SCN11A: variants seen among roughly 807,000 people sequenced by gnomAD.
The protein encoded by SCN11A is sodium channel protein type 11 subunit alpha.
In SCN11A, 122 loss-of-function variants were observed where a neutral mutation model predicts 162.2. The ratio of observed to expected loss-of-function variants is 0.75; its 90% CI spans 0.65 to 0.87. The LOEUF is 0.87. Ranked by LOEUF, SCN11A falls within the 40% of genes least tolerant of loss-of-function variation. The pLI, the probability that SCN11A is intolerant of heterozygous loss-of-function variation, is 0.00. For missense variants in SCN11A, 2,015 were observed against 2,181.6 expected (o/e 0.92, Z 1.52); for synonymous variants, 758 against 751.5 (o/e 1.01, Z -0.14).
At chr3:38,864,869 C>T (rs1432854278) in intron 27 of SCN11A, among the ~76,000 whole-genome samples, 1 of 152,074 alleles carries the variant, frequency 6.6e-6, no homozygotes, top group Non-Finnish European at 1.5e-5. Context: ...AAAGCTTCAA[C>T]AGAAACAAAT....
chr3:38,868,742 G>A (rs1435699809), intron 26 of SCN11A, among the ~76,000 whole-genome samples: 1 of 152,172 alleles, frequency 6.6e-6, no homozygotes, highest in Non-Finnish European at 1.5e-5. Flanking sequence ...AACATGGAAG[G>A]CAAAGAGGGT....
Position 38,899,816 on chromosome 3 carries a change from A to G in SCN11A, c.2022+78T>C. ...AAGATAAATTAAAGTTTAGTACAAG[A>G]TAACCACTGAACTCACTCAAAACGT... On this transcript the variant is annotated intron_variant, in intron 17 of 29. Coordinates refer to ENST00000302328, the MANE Select transcript of SCN11A (RefSeq NM_001349253.2). 5 of 1,152,764 alleles carry G rather than the reference A, an allele frequency of 4.3e-6. No homozygotes were observed. The South Asian group carries it at 5.8e-5, about 13-fold the overall frequency. The allele number at this position is 1,152,764 out of a possible 1,614,324, so 71.4% of individuals were successfully genotyped here.
chr3:39,024,655 T>TA (rs34675151), intron 2 of SCN11A, among the ~76,000 whole-genome samples: 4 of 152,154 alleles, frequency 2.6e-5, no homozygotes, highest in South Asian at 2.1e-4. Context: ...AAACTGGCCA[T>TA]AAAAAAAGTT....
At chr3:38,997,982 G>A (rs1225374224) in intron 2 of SCN11A, among the ~76,000 whole-genome samples, 3 of 152,276 alleles carry the variant, frequency 2.0e-5, no homozygotes, top group African/African-American at 7.2e-5. Flanking sequence ...AAAAATAAAT[G>A]TATTAAATAT....
At chr3:38,875,127 A>G (rs977624439) in intron 23 of SCN11A, among the ~76,000 whole-genome samples, 10 of 152,314 alleles carry the variant, frequency 6.6e-5, no homozygotes, top group Admixed American at 4.6e-4. Context: ...CATACAGCTG[A>G]TAAGTGGTGA....
intron 28 of SCN11A, among the ~76,000 whole-genome samples, chr3:38,860,167 C>T (rs1034640253): frequency 2.6e-5 from 4 of 152,060 alleles, no homozygotes; most frequent in African/African-American, 9.7e-5. Context: ...CTAGCCCCTA[C>T]CCACCAAATT....
At chr3:39,038,935 C>T (rs1465635499) in intron 1 of SCN11A, among the ~76,000 whole-genome samples, 8 of 152,200 alleles carry the variant, frequency 5.3e-5, no homozygotes, top group African/African-American at 1.2e-4. Flanking sequence ...TCTCTACTAG[C>T]GATTCCATGT....
chr3:38,999,949 A>C (rs79288231), intron 2 of SCN11A, among the ~76,000 whole-genome samples: 4,175 of 152,248 alleles, frequency 0.027, 207 homozygotes, highest in African/African-American at 0.095. Flanking sequence ...TGGATATAGC[A>C]CCTGGAAAGG....
At chr3:38,912,656 G>A (rs1478818069) in intron 11 of SCN11A, among the ~76,000 whole-genome samples, 1 of 152,062 alleles carries the variant, frequency 6.6e-6, no homozygotes, top group Non-Finnish European at 1.5e-5. Context: ...GTAGGTCCCA[G>A]TAGCTGTTGT....
chr3:38,870,789 G>A, intron 25 of SCN11A, 45 bp from the exon 26 acceptor site: 1 of 1,543,038 alleles, frequency 6.5e-7, no homozygotes, highest in Non-Finnish European at 9.0e-7. Context: ...ATGTAGACTT[G>A]CCATCAACAG....
intron 2 of SCN11A, among the ~76,000 whole-genome samples, chr3:39,001,726 C>T (rs1270075974): frequency 6.6e-6 from 1 of 152,028 alleles, no homozygotes; most frequent in Non-Finnish European, 1.5e-5. Flanking sequence ...AACAAACAAA[C>T]AAACAAACAA....
rs760264510 is a variant in SCN11A, at chr3:38,903,897, T to C, written c.1810A>G (p.Ser604Gly). 1.2e-6 allele frequency: 2 copies of C among 1,610,774 alleles called. No individual in the cohort carries two copies. Among genetic ancestry groups the C allele is most frequent in the East Asian group, 2.2e-5 (1 of 44,854 alleles). The change falls in exon 16 of 30, where the codon AGT becomes GGT. Residue 604 changes from serine (S) to glycine (G), a missense_variant. By Grantham distance (56) the Ser-to-Gly change is moderately conservative. Coordinates refer to ENST00000302328, the MANE Select transcript of SCN11A (RefSeq NM_001349253.2). ...LAMEHHKMEASFEKMLNIGNL... is the reference protein window; with the variant it reads ...LAMEHHKMEAGFEKMLNIGNL... ...CCTATATTCAACATCTTCTCAAAAC[T>C]GGCCTCCATCTTGTGATGCTCCATG...
In SCN11A at chr3:38,870,660, C is replaced by T. The variant is rs994344740; in HGVS notation, c.3813+31G>A. The T allele has an allele frequency of 2.5e-6, 4 of 1,592,074 alleles. No individual in the cohort carries two copies. In the African/African-American group the frequency reaches 5.4e-5, roughly 21 times the overall value. Reference sequence around the variant, plus strand: ...CATGATATCTCTGACTTGACCATAACACTCCAGAACATGGTAGAACACTGA... The same window carrying T: ...CATGATATCTCTGACTTGACCATAATACTCCAGAACATGGTAGAACACTGA... On this transcript the variant is annotated intron_variant, in intron 26 of 29. Transcript: ENST00000302328.
At chr3:39,012,636 G>A (rs993028845) in intron 2 of SCN11A, among the ~76,000 whole-genome samples, 13 of 151,758 alleles carry the variant, frequency 8.6e-5, no homozygotes, top group Admixed American at 2.6e-4. Flanking sequence ...ATGTGCCACC[G>A]TACCCAGCTA....
intron 20 of SCN11A, 29 bp from the exon 21 acceptor site, chr3:38,885,431 GCCTTTTACTA>G: frequency 8.1e-7 from 1 of 1,231,622 alleles, no homozygotes; most frequent in Non-Finnish European, 1.2e-6. Flanking sequence ...CGAAGGGGGT[GCCTTTTACTA>G]AGACCTTCTT....
At chr3:38,869,241 C>T (rs1346077504) in intron 26 of SCN11A, among the ~76,000 whole-genome samples, 1 of 152,156 alleles carries the variant, frequency 6.6e-6, no homozygotes, top group African/African-American at 2.4e-5. Context: ...GTCTACTACA[C>T]ATCTGCAAAA....
rs530863406 is a variant in SCN11A at position 38,931,130 on chromosome 3, C to T, written c.489-4199G>A. Among the ~76,000 whole-genome samples, 65 of 152,316 alleles carry T rather than the reference C, an allele frequency of 4.3e-4. 1 individual carries two copies. The highest frequency in any genetic ancestry group is 4.1e-3 in the Admixed American group (63 of 15,306). On this transcript the variant is annotated intron_variant, in intron 7 of 29. Coordinates refer to ENST00000302328, the MANE Select transcript of SCN11A (RefSeq NM_001349253.2). ...TAGCAACCCCTGCACTCAGTTAGCA[C>T]CTCATGCAACAGCCAAATCTCCAAA...
At chr3:38,907,136 G>A (rs2065805047) in intron 14 of SCN11A, among the ~76,000 whole-genome samples, 1 of 151,764 alleles carries the variant, frequency 6.6e-6, no homozygotes, top group African/African-American at 2.4e-5. Flanking sequence ...ATGAATTCTG[G>A]ATGCTGTTGG....
intron 28 of SCN11A, among the ~76,000 whole-genome samples, chr3:38,856,830 A>G (rs979686353): frequency 1.1e-4 from 16 of 152,226 alleles, no homozygotes; most frequent in African/African-American, 3.9e-4. Flanking sequence ...GCACACTAAG[A>G]CAGTAACTAC....
Sources: allele counts gnomAD v4.1 joint callset (sites outside exome capture counted in the v4.1 genomes callset), GRCh38; gene constraint gnomAD v4.1.1; transcripts MANE v1.5; gene names NCBI Gene and HGNC (gene_info 2026-07-23, HGNC 2026-07-21).